CCDC22: variants seen among roughly 807,000 people sequenced by gnomAD.
CCDC22 encodes the protein CCC complex scaffolding subunit CCDC22, also known as coiled-coil domain-containing protein 22.
In CCDC22, 4 loss-of-function variants were observed where a neutral mutation model predicts 53.1. That is an observed-to-expected ratio of 0.08 (90% confidence interval 0.04 to 0.17). The LOEUF (loss-of-function observed/expected upper bound fraction) is 0.17, where lower values mean the gene tolerates loss of function less well. Among genes scored for constraint, CCDC22 ranks in the 10% least tolerant of loss-of-function variants. The probability of loss-of-function intolerance (pLI) is 1.00; values close to 1 mark genes in which losing one functional copy is unlikely to be tolerated. For missense variants in CCDC22, 458 were observed against 554.0 expected (o/e 0.83, Z 1.74); for synonymous variants, 222 against 224.4 (o/e 0.99, Z 0.10).
At chrX:49,242,757 C>T (rs781878580) in intron 3 of CCDC22, 129 bp from the exon 4 acceptor site, 3 of 412,679 alleles carry the variant, frequency 7.3e-6, no homozygotes, top group African/African-American at 2.5e-5. Context: ...AATGACTGAA[C>T]GTGAGAACGC....
At chrX:49,249,452 C>A in intron 14 of CCDC22, 57 bp from the exon 15 acceptor site, 1 of 1,099,601 alleles carries the variant, frequency 9.1e-7, no homozygotes, top group Non-Finnish European at 1.3e-6. Context: ...CTTCTTAGGG[C>A]ATGGAGATGG....
intron 6 of CCDC22, 51 bp from the exon 7 acceptor site, chrX:49,246,680 G>T (rs1557114217): frequency 3.9e-6 from 4 of 1,038,865 alleles, no homozygotes; most frequent in African/African-American, 1.9e-5. Flanking sequence ...AGGGCCTTGG[G>T]TGCTAGGTGG....
intron 14 of CCDC22, 36 bp downstream of exon 14, chrX:49,249,298 G>A (rs1458755322): frequency 9.3e-7 from 1 of 1,079,583 alleles, no homozygotes; most frequent in Non-Finnish European, 1.3e-6. Context: ...AGTGGGGTGA[G>A]GCTGGGCTGC....
chrX:49,248,482 G>A lies in CCDC22; in HGVS notation c.1288G>A (p.Ala430Thr), dbSNP rs144632022. Residue 430 changes from alanine to threonine, a missense_variant, in exon 11 of 17, where the codon GCT becomes ACT. Coordinates refer to ENST00000376227, the MANE Select transcript of CCDC22 (RefSeq NM_014008.5). Reference sequence around the variant, plus strand: ...GGAGAAGCACCGGGTCCCACTCCTCGCTGAGTACCGCCACCTCCGAAAGCT... The same window carrying A: ...GGAGAAGCACCGGGTCCCACTCCTCACTGAGTACCGCCACCTCCGAAAGCT... ...QWEKHRVPLL[A>T]EYRHLRKLQD... is the part of the protein sequence containing the mutation. 9,242 of 1,207,914 alleles carry A rather than the reference G, an allele frequency of 7.7e-3. 24 individuals are homozygous for A. Among genetic ancestry groups the A allele is most frequent in the Middle Eastern group, 0.024 (104 of 4,341 alleles).
chrX:49,237,251 T>G lies in CCDC22; in HGVS notation c.216T>G (p.Ala72=), dbSNP rs782787771. Residue 72 remains alanine, a synonymous_variant, in exon 2 of 17, where the codon GCT becomes GCG. Coordinates refer to ENST00000376227, the MANE Select transcript of CCDC22 (RefSeq NM_014008.5). ...SARFRLAMSL[A]QACMDLGYPL... ...GGTTCCGCCTGGCCATGAGCCTGGC[T>G]CAGGCCTGCATGGTGAGTGGCCCTC... 1.7e-6 allele frequency: 2 copies of G among 1,207,176 alleles called. No individual in the cohort carries two copies. Among genetic ancestry groups the G allele is most frequent in the Admixed American group, 4.3e-5 (2 of 45,997 alleles).
chrX:49,249,615 G>GGGGGGGGGGT (rs2147942819), intron 15 of CCDC22, 36 bp from the exon 16 acceptor site: 1 of 406,773 alleles, frequency 2.5e-6, no homozygotes, highest in Non-Finnish European at 4.5e-6. Context: ...GGGTGGGTGG[G>GGGGGGGGGGT]ACTGGGTGCA....
At chrX:49,236,540 G>A (rs1557112748) in intron 1 of CCDC22, among the ~76,000 whole-genome samples, 2 of 110,864 alleles carry the variant, frequency 1.8e-5, no homozygotes, top group Non-Finnish European at 1.9e-5. Context: ...TCTGACATCA[G>A]CATTTGGTCA....
At chrX:49,249,426 G>T in intron 14 of CCDC22, 83 bp from the exon 15 acceptor site, 1 of 949,815 alleles carries the variant, frequency 1.1e-6, no homozygotes, top group Non-Finnish European at 1.5e-6. Context: ...CTAGTGGGGT[G>T]GTGGGAGAGG....
chrX:49,246,904 A>G lies in CCDC22; in HGVS notation c.888A>G (p.Ser296=), dbSNP rs1305476471. ...CTAAGGGCTCCCGCTTCACGCACTCAGAGAAGTTCACCTTCCATCTGGTGG... is the reference window on the plus strand; with the variant it reads ...CTAAGGGCTCCCGCTTCACGCACTCGGAGAAGTTCACCTTCCATCTGGTGG... ...GAPKGSRFTH[S]EKFTFHLEPQ... The change falls in exon 7 of 17, where the codon TCA becomes TCG. Residue 296 remains serine, a synonymous_variant. Coordinates refer to ENST00000376227, the MANE Select transcript of CCDC22 (RefSeq NM_014008.5). The G allele has an allele frequency of 1.9e-5, 23 of 1,195,265 alleles. No individual in the cohort carries two copies. Among genetic ancestry groups the G allele is most frequent in the Non-Finnish European group, 2.4e-5 (21 of 887,117 alleles).
Position 49,243,369 on chromosome X carries a change from C to T in CCDC22, c.621C>T (p.Leu207=), listed in dbSNP as rs782037688. 5.0e-6 allele frequency: 6 copies of T among 1,205,329 alleles called. No homozygotes were observed. In the South Asian group the frequency reaches 5.4e-5, roughly 11 times the overall value. The part of the protein sequence containing the change: ...PQPVGRVASL[L]EHHALQLCQQ... ...CTGTTGGAAGGGTGGCCTCGCTCCT[C>T]GAACACCATGCCCTGCAGCTCTGCC... Residue 207 remains leucine (L), a synonymous_variant, in exon 6 of 17, where the codon CTC becomes CTT. Coordinates refer to ENST00000376227, the MANE Select transcript of CCDC22 (RefSeq NM_014008.5).
intron 3 of CCDC22, 87 bp from the exon 4 acceptor site, chrX:49,242,799 G>C (rs2065970352): frequency 3.8e-6 from 2 of 520,604 alleles, no homozygotes; most frequent in Non-Finnish European, 6.2e-6. Flanking sequence ...CTGGATGGGG[G>C]TCAGGAGTGG....
intron 14 of CCDC22, 26 bp downstream of exon 14, chrX:49,249,288 A>C: frequency 1.1e-6 from 1 of 932,133 alleles, no homozygotes; most frequent in Non-Finnish European, 1.5e-6. Flanking sequence ...GGCGGGGGTG[A>C]GTGGGGTGAG....
rs138329959 is a variant in CCDC22, at chrX:49,237,177, G to A, written c.142G>A (p.Ala48Thr). ...VVRCLRVINP[A>T]VGSGLSPLLP... ...CCGCTGCCTGCGTGTGATCAACCCT[G>A]CGGTGGGCTCTGGCCTCAGCCCTCT... The change falls in exon 2 of 17, where the codon GCG (alanine) becomes ACG (threonine). Residue 48 changes from alanine to threonine, a missense_variant. Coordinates refer to ENST00000376227, the MANE Select transcript of CCDC22 (RefSeq NM_014008.5). 526 of 1,210,895 alleles carry A rather than the reference G, an allele frequency of 4.3e-4. No homozygotes were observed. Among genetic ancestry groups the A allele is most frequent in the Non-Finnish European group, 5.4e-4 (486 of 895,355 alleles).
rs2065970430 is a variant in CCDC22, at chrX:49,242,818, C to A, written c.362-68C>A. 8.9e-6 allele frequency: 6 copies of A among 676,964 alleles called. 1 individual carries two copies. In the Admixed American group the frequency reaches 2.5e-4, roughly 28 times the overall value. The allele number at this position is 676,964 out of a possible 1,213,427, so 55.8% of individuals were successfully genotyped here. Reference sequence around the variant, plus strand: ...ATGGGGGTCAGGAGTGGAGGCTGGTCTCCTAGGGTATGCCCTTTTGGATTT... The same window carrying A: ...ATGGGGGTCAGGAGTGGAGGCTGGTATCCTAGGGTATGCCCTTTTGGATTT... On this transcript the variant is annotated intron_variant, in intron 3 of 16. Transcript: ENST00000376227.
At chrX:49,244,295 A>G (rs1306809263) in intron 6 of CCDC22, among the ~76,000 whole-genome samples, 2 of 106,733 alleles carry the variant, frequency 1.9e-5, no homozygotes, top group Non-Finnish European at 3.9e-5. Context: ...CTACTTCTTT[A>G]TCTGTCCCCT....
At chrX:49,247,580 G>T in intron 8 of CCDC22, 22 bp downstream of exon 8, 1 of 1,192,051 alleles carries the variant, frequency 8.4e-7, no homozygotes, top group Non-Finnish European at 1.1e-6. Flanking sequence ...GGTTTGGAGG[G>T]GGGTGTCCCA....
At position 49,243,581 on chromosome X, in the gene CCDC22, CT is replaced by C. The variant is rs200540469; in HGVS notation, c.714+121del. 5,149 of 570,023 alleles carry C rather than the reference CT, an allele frequency of 9.0e-3. 188 individuals carry two copies. In the African/African-American group the frequency reaches 0.11, roughly 12 times the overall value. 47.0% of individuals were successfully genotyped at this position (570,023 alleles called of 1,213,427 possible). A position where few individuals can be genotyped will look rare whatever the true frequency, so the allele number is the denominator to read the frequency against. On this transcript the variant is annotated intron_variant, in intron 6 of 16. Transcript: ENST00000376227. The stretch of plus-strand genomic sequence containing the variant: ...TTCCATTGTTTCCCCTCTGTGTGTG[CT>C]TACCTAGCTCCCCACCTGAAAGAAC...
Position 49,246,720 on chromosome X carries a change from T to A in CCDC22, c.715-11T>A, listed in dbSNP as rs782070892. The A allele has an allele frequency of 3.6e-6, 4 of 1,126,422 alleles. 1 individual carries two copies. In the South Asian group the frequency reaches 9.0e-5, roughly 25 times the overall value. The allele number at this position is 1,126,422 out of a possible 1,213,427, so 92.8% of individuals were successfully genotyped here. A position where few individuals can be genotyped will look rare whatever the true frequency, so the allele number is the denominator to read the frequency against. ...CTACACCTTCCTGCTTCCCCCGCCT[T>A]TTCTCCCCAGGAGGACACACGGGCT... is the stretch of plus-strand genomic sequence containing the variant. On this transcript the variant is annotated splice_polypyrimidine_tract_variant and intron_variant, in intron 6 of 16. Transcript: ENST00000376227.
At chrX:49,246,344 G>C (rs191698987) in intron 6 of CCDC22, among the ~76,000 whole-genome samples, 1 of 112,100 alleles carries the variant, frequency 8.9e-6, no homozygotes, top group Non-Finnish European at 1.9e-5. Context: ...AAACTCTGTT[G>C]TCCCTCTCTT....
Sources: allele counts gnomAD v4.1 joint callset (sites outside exome capture counted in the v4.1 genomes callset), GRCh38; gene constraint gnomAD v4.1.1; transcripts MANE v1.5; gene names NCBI Gene and HGNC (gene_info 2026-07-23, HGNC 2026-07-21).